ERI2: variants seen among roughly 807,000 people sequenced by gnomAD.
ERI2 encodes ERI1 exoribonuclease 2.
A neutral mutation model predicts 46.8 loss-of-function variants in ERI2; 35 were observed. That is an observed-to-expected ratio of 0.75 (90% CI 0.57 to 0.99). The LOEUF (loss-of-function observed/expected upper bound fraction) is 0.99. Ranked by LOEUF, ERI2 falls within the 50% of genes least tolerant of loss-of-function variation. ERI2 has a pLI of 0.00. For missense variants in ERI2, 695 were observed against 796.2 expected, an observed-to-expected ratio of 0.87 and a Z score of 1.53; for synonymous variants, 224 against 271.0, an observed-to-expected ratio of 0.83 and a Z score of 1.70.
At chr16:20,788,583 GGGGAT>G (rs2080526034) in intron 10 of ERI2, among the ~76,000 whole-genome samples, 1 of 152,188 alleles carries the variant, frequency 6.6e-6, no homozygotes, top group Admixed American at 6.5e-5. Context: ...TCTGGCATCT[GGGGAT>G]GTGTTCCAAC....
intron 10 of ERI2, chr16:20,783,359 GAGACC>G (rs2080395420): frequency 6.6e-6 from 1 of 152,172 alleles, no homozygotes; most frequent in Non-Finnish European, 1.5e-5. Flanking sequence ...CAAAATGCTT[GAGACC>G]AGAAGTCTTT....
chr16:20,802,788 C>T lies in ERI2; in HGVS notation c.303+8G>A, dbSNP rs2080810340. The T allele has an allele frequency of 1.9e-6, 3 of 1,584,546 alleles. No homozygotes were observed. The highest frequency in any genetic ancestry group is 2.3e-5 in the South Asian group (2 of 87,736). On this transcript the variant is annotated splice_region_variant and intron_variant, in intron 4 of 8. Coordinates refer to ENST00000357967, the MANE Select transcript of ERI2 (RefSeq NM_001142725.2). ...ACTGACTTCTGAATTTTAAGATTTG[C>T]ATCATACCTGCTTTATGCCTGTCAA...
Position 20,796,543 on chromosome 16 carries a change from TGTTTATTTTTACATTTTA to T in ERI2, c.*1163_*1180del. On this transcript the variant is annotated 3_prime_UTR_variant, in exon 9 of 9. Transcript: ENST00000357967. ...GCTCAGTGTTGTGGACAATTTCAAGTGTTTATTTTTACATTTTAATGAATATTTTCTTCACACATGCTG... is the reference window on the plus strand; with the variant it reads ...GCTCAGTGTTGTGGACAATTTCAAGTATGAATATTTTCTTCACACATGCTG... 1 of 1,594,522 alleles carries T rather than the reference TGTTTATTTTTACATTTTA, an allele frequency of 6.3e-7. No individual in the cohort carries two copies. The highest frequency in any genetic ancestry group is 1.8e-5 in the Admixed American group (1 of 54,342).
At chr16:20,791,875 C>G, downstream of ERI2, 1 of 1,115,604 alleles carries the variant, frequency 9.0e-7, no homozygotes, top group Non-Finnish European at 1.3e-6. Context: ...TTGCAGTAAG[C>G]CAAGATCGTA....
intron 10 of ERI2, among the ~76,000 whole-genome samples, chr16:20,784,056 T>C (rs1214904788): frequency 6.6e-6 from 1 of 152,180 alleles, no homozygotes; most frequent in Non-Finnish European, 1.5e-5. Flanking sequence ...TCCGCCCACC[T>C]CTAACTCCCA....
chr16:20,799,917 A>T, intron 7 of ERI2, 40 bp downstream of exon 7: 2 of 1,256,370 alleles, frequency 1.6e-6, no homozygotes, highest in Non-Finnish European at 2.3e-6. Flanking sequence ...AGTATTTTTT[A>T]AAAGTCAAAT....
exon 11 of ERI2, chr16:20,780,701 T>A: frequency 6.2e-7 from 1 of 1,614,176 alleles, no homozygotes; most frequent in South Asian, 1.1e-5. Flanking sequence ...TCATTGTAGT[T>A]TTTCCTTTGC....
At chr16:20,800,237 G>A (rs763695038) in intron 6 of ERI2, 65 bp downstream of exon 6, 47 of 1,140,626 alleles carry the variant, frequency 4.1e-5, no homozygotes, top group Non-Finnish European at 6.0e-5. Context: ...ATGCCCATGT[G>A]TAGGATAAAA....
rs375981902 is a variant in ERI2 at position 20,788,273 on chromosome 16, A to ATATG, written c.894+1202_894+1205dup. Among the ~76,000 whole-genome samples, 140 of 152,294 alleles carry ATATG rather than the reference A, an allele frequency of 9.2e-4. 4 individuals carry two copies. In the South Asian group the frequency reaches 0.028, roughly 31 times the overall value. On this transcript the variant is annotated intron_variant, in intron 10 of 10. Transcript: ENST00000300005. Reference sequence around the variant, plus strand: ...TCATGTCTGCATTACAGGGAAGTTGATATGTAACACAGCTATGTTCTTTTT... The same window carrying ATATG: ...TCATGTCTGCATTACAGGGAAGTTGATATGTATGTAACACAGCTATGTTCTTTTT...
downstream of ERI2, chr16:20,792,613 C>T (rs1444576408): frequency 1.0e-6 from 1 of 985,350 alleles, no homozygotes; most frequent in East Asian, 1.1e-4. Context: ...GTGTGAATGC[C>T]AGTAACCCAG....
In ERI2 at chr16:20,802,843, G is replaced by T; in HGVS notation, c.256C>A (p.His86Asn). 6.2e-7 allele frequency: 1 copy of T among 1,610,880 alleles called. No individual in the cohort carries two copies. ...ATGCAAAATTCTGAAAGAATTGGATGTTCCTGAGGTTGAACATAAGCCTGG... is the reference window on the plus strand; with the variant it reads ...ATGCAAAATTCTGAAAGAATTGGATTTTCCTGAGGTTGAACATAAGCCTGG... ...EFQAYVQPQE[H>N]PILSEFCMEL... is the part of the protein sequence containing the mutation. The change falls in exon 4 of 9, where the codon CAT becomes AAT. Residue 86 changes from histidine to asparagine, a missense_variant. Physicochemically the swap from His to Asn is moderately conservative, Grantham distance 68. Transcript: ENST00000357967.
chr16:20,781,016 C>G lies in ERI2; in HGVS notation c.895-282G>C, dbSNP rs747848031. On this transcript the variant is annotated intron_variant, in intron 10 of 10. Coordinates refer to the ERI2 transcript ENST00000300005. ...CACCCTCAGATGTGATGTGGAATAC[C>G]TCAGATACGGGCTGGGCAAAGTCTG... 2.5e-6 allele frequency: 4 copies of G among 1,614,060 alleles called. No individual in the cohort carries two copies. The African/African-American group carries it at 5.3e-5, about 22-fold the overall frequency.
downstream of ERI2, chr16:20,792,437 A>G: frequency 3.2e-6 from 5 of 1,562,340 alleles, no homozygotes; most frequent in Non-Finnish European, 3.5e-6. Flanking sequence ...TGATTCATTT[A>G]CTAAATATGC....
chr16:20,799,468 G>A, intron 7 of ERI2, 117 bp from the exon 8 acceptor site: 1 of 954,736 alleles, frequency 1.0e-6, no homozygotes, highest in Non-Finnish European at 1.6e-6. Flanking sequence ...CACAGTTTTA[G>A]TTTTATGACC....
At chr16:20,789,640 A>G in intron 9 of ERI2, 3 of 988,170 alleles carry the variant, frequency 3.0e-6, no homozygotes, top group Non-Finnish European at 4.8e-6. Context: ...TAAATGATAA[A>G]AGCAGGTTGG....
intron 10 of ERI2, among the ~76,000 whole-genome samples, chr16:20,788,330 A>G (rs1334276080): frequency 6.6e-6 from 1 of 152,184 alleles, no homozygotes; most frequent in Non-Finnish European, 1.5e-5. Flanking sequence ...CCCAACATGC[A>G]TGGCTATCAG....
chr16:20,790,386 G>A lies in ERI2; in HGVS notation c.815+464C>T, dbSNP rs11864375. ...GACTGTTTGAGACCAGAAGTTTGAC[G>A]CTGCAGTGAGCTATGAGCTATGATT... On this transcript the variant is annotated intron_variant, in intron 9 of 10. Coordinates refer to the ERI2 transcript ENST00000300005. The surrounding 1 kb of genome is among the most constrained non-coding windows in gnomAD (Gnocchi z 4.0). 6.6e-6 allele frequency among the ~76,000 whole-genome samples: 1 copy of A among 152,160 alleles called. No homozygotes were observed. Among genetic ancestry groups the A allele is most frequent in the African/African-American group, 2.4e-5 (1 of 41,434 alleles).
intron 3 of ERI2, among the ~76,000 whole-genome samples, chr16:20,803,158 AAAACC>A (rs2080814049): frequency 1.3e-5 from 2 of 152,236 alleles, no homozygotes; most frequent in African/African-American, 4.8e-5. Context: ...AATAAATATA[AAAACC>A]ATATGGAATA....
At position 20,780,755 on chromosome 16, in the gene ERI2, A is replaced by G. The variant is rs2080334266; in HGVS notation, c.895-21T>C. ...CACACCTGTGTGAAGACAAAACACA[A>G]TGAGATCATGGCCATATTCTTTACC... On this transcript the variant is annotated intron_variant, in intron 10 of 10. Transcript: ENST00000300005. The G allele has an allele frequency of 3.1e-6, 5 of 1,614,226 alleles. No homozygotes were observed. The East Asian group carries it at 1.1e-4, about 36-fold the overall frequency.
Sources: gnomAD v4.1 joint callset for allele counts (sites outside exome capture counted in the v4.1 genomes callset) on GRCh38, gnomAD v4.1.1 for gene constraint, Gnocchi (gnomAD v3.1) non-coding constraint, MANE v1.5 for transcripts, NCBI Gene and HGNC (gene_info 2026-07-23, HGNC 2026-07-21) for gene names.